Variants in PALLD observed in about 807,000 individuals in gnomAD.
PALLD encodes the protein palladin.
PALLD carries 61 observed loss-of-function variants against 123.5 expected under a neutral mutation model. The observed-to-expected ratio is 0.49, with a 90% confidence interval of 0.40 to 0.61. The LOEUF (loss-of-function observed/expected upper bound fraction) is 0.61, where lower values mean the gene tolerates loss of function less well. Ranked by LOEUF, PALLD falls within the 20% of genes least tolerant of loss-of-function variation. The pLI, the probability that PALLD is intolerant of heterozygous loss-of-function variation, is 0.00. For missense variants in PALLD, 1,273 were observed against 1,377.0 expected (o/e 0.92, Z 1.20); for synonymous variants, 465 against 496.4 (o/e 0.94, Z 0.84).
chr4:168,899,077 A>C (rs1201445156), intron 14 of PALLD, among the ~76,000 whole-genome samples: 1 of 152,190 alleles, frequency 6.6e-6, no homozygotes, highest in East Asian at 1.9e-4. Flanking sequence ...ATATGAACCC[A>C]GTGCTCTGTA....
intron 10 of PALLD, among the ~76,000 whole-genome samples, chr4:168,800,479 G>T (rs570100179): frequency 6.6e-6 from 1 of 152,098 alleles, no homozygotes; most frequent in African/African-American, 2.4e-5. Context: ...ACCAAAGAGA[G>T]AATTCAAATG....
At chr4:168,794,793 T>C (rs936921063) in intron 10 of PALLD, among the ~76,000 whole-genome samples, 5 of 152,124 alleles carry the variant, frequency 3.3e-5, no homozygotes, top group African/African-American at 1.2e-4. Context: ...GCTTAGTAAA[T>C]AGTAAATGCT....
intron 2 of PALLD, among the ~76,000 whole-genome samples, chr4:168,625,199 G>A (rs1441725901): frequency 6.6e-6 from 1 of 151,826 alleles, no homozygotes; most frequent in Non-Finnish European, 1.5e-5. Flanking sequence ...CTGGTGTGGC[G>A]GTAGCACCCA....
chr4:168,583,955 T>A (rs1238237783), intron 2 of PALLD, among the ~76,000 whole-genome samples: 1 of 152,140 alleles, frequency 6.6e-6, no homozygotes, highest in South Asian at 2.1e-4. Context: ...TTCTAGTACA[T>A]GCAATTAAAT....
chr4:168,790,751 A>G (rs1737397920), intron 10 of PALLD, among the ~76,000 whole-genome samples: 1 of 152,204 alleles, frequency 6.6e-6, no homozygotes, highest in South Asian at 2.1e-4. Flanking sequence ...ACTAGCATGC[A>G]TACACACACA....
At chr4:168,726,657 A>G (rs557238746) in intron 10 of PALLD, among the ~76,000 whole-genome samples, 61 of 152,152 alleles carry the variant, frequency 4.0e-4, no homozygotes, top group Middle Eastern at 6.8e-3. Flanking sequence ...TGTTGAGATT[A>G]TAGGCATGAG....
intron 10 of PALLD, among the ~76,000 whole-genome samples, chr4:168,734,816 T>C (rs991377347): frequency 1.3e-5 from 2 of 151,970 alleles, no homozygotes; most frequent in African/African-American, 4.8e-5. Flanking sequence ...CCCAGCTACT[T>C]GAGAGGCTGA....
intron 2 of PALLD, among the ~76,000 whole-genome samples, chr4:168,624,416 C>T (rs1775048684): frequency 6.6e-6 from 1 of 152,094 alleles, no homozygotes; most frequent in Admixed American, 6.6e-5. Context: ...AAAAAAGCTT[C>T]TAAGAACAAA....
intron 2 of PALLD, among the ~76,000 whole-genome samples, chr4:168,568,528 T>C (rs1416047289): frequency 2.6e-5 from 4 of 152,080 alleles, no homozygotes; most frequent in Non-Finnish European, 4.4e-5. Context: ...AACATCTGTC[T>C]TTAAATTTTT....
chr4:168,888,802 T>C (rs1162207264), intron 10 of PALLD, among the ~76,000 whole-genome samples: 1 of 151,936 alleles, frequency 6.6e-6, no homozygotes, highest in Admixed American at 6.6e-5. Context: ...CATTGAAGGG[T>C]GAACACTCAG....
chr4:168,521,033 A>G lies in PALLD; in HGVS notation c.908+8621A>G, dbSNP rs139321480. 9.7e-4 allele frequency among the ~76,000 whole-genome samples: 148 copies of G among 152,344 alleles called. 2 individuals are homozygous for G. The highest frequency in any genetic ancestry group is 3.5e-3 in the African/African-American group (146 of 41,580). ...AAACAATAAACACCAAAATAAATGT[A>G]GCTGAAGAATAAAGGTAGAGATTTT... On this transcript the variant is annotated intron_variant, in intron 2 of 21. Coordinates refer to ENST00000505667, the MANE Select transcript of PALLD (RefSeq NM_001166108.2).
At chr4:168,874,587 T>A in intron 10 of PALLD, among the ~76,000 whole-genome samples, 1 of 152,206 alleles carries the variant, frequency 6.6e-6, no homozygotes, top group South Asian at 2.1e-4. Flanking sequence ...AGGCCCTGGA[T>A]GTTACAGCTG....
chr4:168,589,024 A>G (rs551173097), intron 2 of PALLD, among the ~76,000 whole-genome samples: 62 of 152,326 alleles, frequency 4.1e-4, no homozygotes, highest in African/African-American at 1.4e-3. Flanking sequence ...GGGTATCTGT[A>G]AAACACTAGG....
intron 2 of PALLD, among the ~76,000 whole-genome samples, chr4:168,653,448 G>T (rs1778248651): frequency 6.6e-6 from 1 of 152,182 alleles, no homozygotes; most frequent in South Asian, 2.1e-4. Flanking sequence ...TGCCAGAATG[G>T]TAAGGTAGTG....
At chr4:168,759,510 T>G (rs1162316443) in intron 10 of PALLD, among the ~76,000 whole-genome samples, 1 of 151,912 alleles carries the variant, frequency 6.6e-6, no homozygotes, top group Non-Finnish European at 1.5e-5. Flanking sequence ...ACTCAATCTC[T>G]GTAGCATTTA....
intron 10 of PALLD, among the ~76,000 whole-genome samples, chr4:168,731,886 A>G (rs1310124459): frequency 6.6e-6 from 1 of 152,224 alleles, no homozygotes; most frequent in African/African-American, 2.4e-5. Context: ...GCTACAAAAG[A>G]TTGATAAACA....
chr4:168,626,398 C>T (rs1775287327), intron 2 of PALLD, among the ~76,000 whole-genome samples: 1 of 55,954 alleles, frequency 1.8e-5, no homozygotes, highest in Non-Finnish European at 3.2e-5. Flanking sequence ...GAGACTCCAT[C>T]TCAAAAAAAA....
chr4:168,709,861 G>A (rs1231933382), intron 9 of PALLD, among the ~76,000 whole-genome samples: 2 of 151,996 alleles, frequency 1.3e-5, no homozygotes, highest in Admixed American at 6.5e-5. Flanking sequence ...GTGCAGTCTT[G>A]GTCTTGGAAA....
chr4:168,643,702 A>G (rs1180439643), intron 2 of PALLD, among the ~76,000 whole-genome samples: 1 of 152,218 alleles, frequency 6.6e-6, no homozygotes, highest in Non-Finnish European at 1.5e-5. Flanking sequence ...TGACCTAGCA[A>G]AAACTGGGAA....
Sources: gnomAD v4.1 joint callset for allele counts (sites outside exome capture counted in the v4.1 genomes callset) on GRCh38, gnomAD v4.1.1 for gene constraint, MANE v1.5 for transcripts, NCBI Gene and HGNC (gene_info 2026-07-23, HGNC 2026-07-21) for gene names.